NFIB: variants seen among roughly 807,000 people sequenced by gnomAD.
NFIB encodes the protein nuclear factor I B, also known as nuclear factor 1 B-type.
A neutral mutation model predicts 61.5 loss-of-function variants in NFIB; 11 were observed. The ratio of observed to expected loss-of-function variants is 0.18; its 90% CI spans 0.11 to 0.30. The LOEUF (loss-of-function observed/expected upper bound fraction) is 0.30, where lower values mean the gene tolerates loss of function less well. Ranked by LOEUF, NFIB falls within the 10% of genes least tolerant of loss-of-function variation. The pLI, the probability that NFIB is intolerant of heterozygous loss-of-function variation, is 1.00. For synonymous variants in NFIB, 260 were observed against 216.5 expected, an observed-to-expected ratio of 1.20 and a Z score of -1.76; for missense variants, 471 against 608.9, an observed-to-expected ratio of 0.77 and a Z score of 2.38.
chr9:14,527,603 G>A, the NFIB span, among the ~76,000 whole-genome samples: 1 of 152,132 alleles, frequency 6.6e-6, no homozygotes, highest in East Asian at 1.9e-4. Flanking sequence ...CCAGAATGGG[G>A]CGATAGGATT....
At chr9:14,132,457 AAAATAT>A in intron 6 of NFIB, among the ~76,000 whole-genome samples, 1 of 152,304 alleles carries the variant, frequency 6.6e-6, no homozygotes. Context: ...AATCATTGTT[AAAATAT>A]CTACATATTT....
intron 2 of NFIB, among the ~76,000 whole-genome samples, chr9:14,286,051 G>A (rs149108705): frequency 1.8e-4 from 27 of 152,236 alleles, no homozygotes; most frequent in Middle Eastern, 3.4e-3. Flanking sequence ...CCTAGTCACC[G>A]CCCCTTGATG....
chr9:14,258,131 A>C (rs934170389), intron 2 of NFIB, among the ~76,000 whole-genome samples: 2 of 152,222 alleles, frequency 1.3e-5, no homozygotes, highest in Non-Finnish European at 2.9e-5. Context: ...CATGAATTTA[A>C]TAGAAGCAAA....
the NFIB span, among the ~76,000 whole-genome samples, chr9:14,513,743 G>T: frequency 2.0e-5 from 3 of 150,860 alleles, no homozygotes; most frequent in African/African-American, 4.9e-5. Flanking sequence ...TTTTGATATT[G>T]ATTACAGCAT....
chr9:14,504,242 GT>G, the NFIB span, among the ~76,000 whole-genome samples: 1 of 152,182 alleles, frequency 6.6e-6, no homozygotes, highest in East Asian at 1.9e-4. Context: ...TTATAGTATA[GT>G]TTGAAGTCAG....
chr9:14,133,092 T>C (rs866599646), intron 6 of NFIB, among the ~76,000 whole-genome samples: 18 of 152,210 alleles, frequency 1.2e-4, no homozygotes, highest in Admixed American at 3.9e-4. Context: ...GATTATATTA[T>C]ATTGACAAGT....
rs1386101219 is a variant in NFIB, at chr9:14,083,732, A to G, written c.*4577T>C. ...GTACATAGAATTTGAATCTAGGTAA[A>G]GAACATGTCCTGCTGTCACACCGCT... is the stretch of plus-strand genomic sequence containing the variant. On this transcript the variant is annotated 3_prime_UTR_variant, in exon 11 of 11. Transcript: ENST00000380953. 1 of 225,036 alleles carries G rather than the reference A, an allele frequency of 4.4e-6. No homozygotes were observed. Among genetic ancestry groups the G allele is most frequent in the African/African-American group, 2.2e-5 (1 of 44,702 alleles). The allele number at this position is 225,036 out of a possible 1,614,324, so 13.9% of individuals were successfully genotyped here. A position where few individuals can be genotyped will look rare whatever the true frequency, so the allele number is the denominator to read the frequency against.
intron 2 of NFIB, among the ~76,000 whole-genome samples, chr9:14,184,726 T>G (rs1431587095): frequency 6.6e-6 from 1 of 152,106 alleles, no homozygotes; most frequent in Non-Finnish European, 1.5e-5. Flanking sequence ...TAAACATCAT[T>G]TAAATGTAAA....
intron 1 of NFIB, among the ~76,000 whole-genome samples, chr9:14,349,050 C>T (rs2061071569): frequency 1.3e-5 from 2 of 152,260 alleles, no homozygotes; most frequent in Non-Finnish European, 2.9e-5. Context: ...CGCTGCAACC[C>T]AGGGGCTGCC....
intron 2 of NFIB, among the ~76,000 whole-genome samples, chr9:14,216,391 A>T (rs910225378): frequency 6.6e-6 from 1 of 152,166 alleles, no homozygotes; most frequent in Non-Finnish European, 1.5e-5. Flanking sequence ...TGAAGTAGAA[A>T]CTAAAAAAGG....
intron 3 of NFIB, among the ~76,000 whole-genome samples, chr9:14,169,332 G>A (rs576052834): frequency 2.2e-4 from 34 of 152,106 alleles, no homozygotes; most frequent in African/African-American, 8.2e-4. Context: ...CTGCGCAAGG[G>A]GAAGATATGT....
chr9:14,126,782 G>T (rs2039709536), intron 6 of NFIB, among the ~76,000 whole-genome samples: 1 of 152,182 alleles, frequency 6.6e-6, no homozygotes, highest in South Asian at 2.1e-4. Flanking sequence ...GAAACTAAAT[G>T]GAGGGCGGAC....
the NFIB span, among the ~76,000 whole-genome samples, chr9:14,473,260 C>A: frequency 1.3e-5 from 2 of 152,184 alleles, no homozygotes; most frequent in East Asian, 1.9e-4. Flanking sequence ...ATACATACAA[C>A]CTTTTATCAA....
Position 14,125,641 on chromosome 9 carries a change from C to T in NFIB, c.1051G>A (p.Ala351Thr). The part of the protein sequence containing the change: ...QHHHPGIPGV[A>T]HSVISTRTPP... ...GCTTGAAACTCCTCACCACTGTGTG[C>T]AACTCCAGGTATTCCGGGATGGTGG... The change falls in exon 7 of 11, where the codon GCA becomes ACA. Residue 351 changes from alanine (A) to threonine (T), a missense_variant. Physicochemically the swap from Ala to Thr is moderately conservative, Grantham distance 58 (BLOSUM62 0). This residue lies in a region of NFIB where 372 missense variants were observed against 395.6 expected (regional missense o/e 0.94). Transcript: ENST00000380953. 6.2e-7 allele frequency: 1 copy of T among 1,614,092 alleles called. No individual in the cohort carries two copies. The highest frequency in any genetic ancestry group is 8.5e-7 in the Non-Finnish European group (1 of 1,179,964).
chr9:14,280,074 C>A (rs536702649), intron 2 of NFIB, among the ~76,000 whole-genome samples: 1 of 151,950 alleles, frequency 6.6e-6, no homozygotes, highest in Non-Finnish European at 1.5e-5. Flanking sequence ...ATTTTATTTC[C>A]CAGGAAGAGG....
At chr9:14,322,479 C>G (rs1329216299) in intron 1 of NFIB, 1 of 229,420 alleles carries the variant, frequency 4.4e-6, no homozygotes, top group Non-Finnish European at 8.6e-6. Context: ...CGCGGCGGGG[C>G]TGCCCCGGAA....
the NFIB span, among the ~76,000 whole-genome samples, chr9:14,469,396 G>C: frequency 6.6e-6 from 1 of 152,278 alleles, no homozygotes; most frequent in East Asian, 1.9e-4. Flanking sequence ...TGGAAATGTG[G>C]ATTCGGAACC....
At chr9:14,346,298 C>CCCCCA (rs1554715707) in intron 1 of NFIB, among the ~76,000 whole-genome samples, 3 of 144,228 alleles carry the variant, frequency 2.1e-5, no homozygotes, top group Non-Finnish European at 4.7e-5. Context: ...ACACCCCCCC[C>CCCCCA]CCGTAACCTG....
chr9:14,492,363 A>T, the NFIB span, among the ~76,000 whole-genome samples: 14 of 147,990 alleles, frequency 9.5e-5, no homozygotes, highest in Non-Finnish European at 4.5e-5. Context: ...ACTTTGCCTC[A>T]AAATAAATAA....
Sources: allele counts gnomAD v4.1 joint callset (sites outside exome capture counted in the v4.1 genomes callset), GRCh38; gene constraint gnomAD v4.1.1; regional missense constraint gnomAD v4.1.1; transcripts MANE v1.5; gene names NCBI Gene and HGNC (gene_info 2026-07-23, HGNC 2026-07-21).